Variants in SGCD observed in about 807,000 individuals in gnomAD.
The protein encoded by SGCD is delta-sarcoglycan.
Under a neutral mutation model 36.6 loss-of-function variants are expected in SGCD, and 18 were observed. The ratio of observed to expected loss-of-function variants is 0.49; its 90% CI spans 0.34 to 0.73. The LOEUF (loss-of-function observed/expected upper bound fraction) is 0.73. Ranked by LOEUF, SGCD falls within the 30% of genes least tolerant of loss-of-function variation. SGCD has a pLI of 0.01. For missense variants in SGCD, 387 were observed against 346.7 expected (o/e 1.12, Z -0.92); for synonymous variants, 133 against 130.6 (o/e 1.02, Z -0.12).
intron 3 of SGCD, among the ~76,000 whole-genome samples, chr5:156,292,066 G>T (rs954634399): frequency 2.6e-5 from 4 of 152,006 alleles, no homozygotes; most frequent in Admixed American, 2.0e-4. Context: ...TTTTTTAGAT[G>T]CTGTGTATAA....
intron 3 of SGCD, among the ~76,000 whole-genome samples, chr5:156,205,093 C>T (rs73300687): frequency 0.015 from 2,219 of 152,186 alleles, 59 homozygotes; most frequent in African/African-American, 0.051. Flanking sequence ...AACTGCCCTT[C>T]CTCCATCAGA....
chr5:156,178,846 G>A (rs1763534456), intron 3 of SGCD, among the ~76,000 whole-genome samples: 2 of 152,180 alleles, frequency 1.3e-5, no homozygotes, highest in South Asian at 4.1e-4. Context: ...GATTACAGGT[G>A]TGAGCCACCG....
At chr5:156,347,767 T>C (rs1384841400) in intron 3 of SGCD, among the ~76,000 whole-genome samples, 2 of 152,192 alleles carry the variant, frequency 1.3e-5, no homozygotes, top group Non-Finnish European at 2.9e-5. Flanking sequence ...CCAATACTGC[T>C]TCTAGAGTAT....
At chr5:156,143,687 G>A (rs927544961) in intron 3 of SGCD, among the ~76,000 whole-genome samples, 3 of 152,020 alleles carry the variant, frequency 2.0e-5, no homozygotes, top group African/African-American at 7.2e-5. Flanking sequence ...GCCCTGCTGG[G>A]TTTTGGACTT....
the SGCD span, among the ~76,000 whole-genome samples, chr5:155,846,605 T>A: frequency 5.3e-5 from 8 of 152,180 alleles, no homozygotes; most frequent in Non-Finnish European, 8.8e-5. Context: ...AAGTCATTGG[T>A]TCAACTCACC....
intron 3 of SGCD, among the ~76,000 whole-genome samples, chr5:156,480,891 A>G (rs1279922862): frequency 2.6e-5 from 4 of 152,242 alleles, no homozygotes; most frequent in Non-Finnish European, 4.4e-5. Flanking sequence ...CCACAACTAC[A>G]GAATACTATG....
At chr5:156,493,230 C>T (rs1044111529) in intron 3 of SGCD, among the ~76,000 whole-genome samples, 11 of 152,130 alleles carry the variant, frequency 7.2e-5, no homozygotes, top group Non-Finnish European at 2.9e-5. Context: ...ATATCTATTA[C>T]TTCAGACACT....
chr5:156,093,846 T>C (rs1232640026), intron 1 of SGCD, among the ~76,000 whole-genome samples: 2 of 152,234 alleles, frequency 1.3e-5, no homozygotes, highest in Non-Finnish European at 2.9e-5. Context: ...TGTCATTTTC[T>C]GAGGATCCTC....
intron 3 of SGCD, among the ~76,000 whole-genome samples, chr5:156,390,193 G>T (rs1771490024): frequency 6.9e-6 from 1 of 144,964 alleles, no homozygotes; most frequent in Non-Finnish European, 1.5e-5. Flanking sequence ...TATTATTTTA[G>T]AGTCTATGCC....
intron 3 of SGCD, among the ~76,000 whole-genome samples, chr5:156,500,661 C>A (rs1756405875): frequency 6.6e-6 from 1 of 152,140 alleles, no homozygotes; most frequent in Admixed American, 6.5e-5. Context: ...CACAATAGGT[C>A]TGCAACCTAC....
chr5:156,604,611 T>A (rs1761340676), intron 6 of SGCD, among the ~76,000 whole-genome samples: 1 of 151,578 alleles, frequency 6.6e-6, no homozygotes, highest in African/African-American at 2.4e-5. Context: ...TACTCTAGAC[T>A]TTTTTCCTCC....
At chr5:156,726,426 T>C (rs1755776309) in intron 7 of SGCD, among the ~76,000 whole-genome samples, 1 of 152,226 alleles carries the variant, frequency 6.6e-6, no homozygotes, top group African/African-American at 2.4e-5. Context: ...TTCTAACTTG[T>C]GTACCACACT....
the SGCD span, among the ~76,000 whole-genome samples, chr5:155,753,759 A>ATAGGGTTC: frequency 2.0e-5 from 3 of 152,144 alleles, no homozygotes; most frequent in Non-Finnish European, 4.4e-5. Flanking sequence ...TCGTGTAGGG[A>ATAGGGTTC]TAGGGTTCCC....
At chr5:156,595,517 T>G (rs1760891433) in intron 6 of SGCD, among the ~76,000 whole-genome samples, 1 of 152,216 alleles carries the variant, frequency 6.6e-6, no homozygotes, top group African/African-American at 2.4e-5. Context: ...CTGGATTCTT[T>G]TAAAGCAAGG....
the SGCD span, among the ~76,000 whole-genome samples, chr5:155,768,105 T>C: frequency 6.6e-6 from 1 of 152,100 alleles, no homozygotes; most frequent in Admixed American, 6.6e-5. Flanking sequence ...TTCAGTGAGT[T>C]CCATTTTTAG....
At chr5:155,779,689 G>T in the SGCD span, among the ~76,000 whole-genome samples, 1 of 151,892 alleles carries the variant, frequency 6.6e-6, no homozygotes. Flanking sequence ...TAGCCTCCTG[G>T]GCCATAGCAC....
chr5:156,741,047 A>C (rs1408477190), intron 7 of SGCD, among the ~76,000 whole-genome samples: 1 of 152,208 alleles, frequency 6.6e-6, no homozygotes, highest in Non-Finnish European at 1.5e-5. Context: ...CCTGGGAAAG[A>C]CCAGAGCTAA....
At chr5:156,707,201 T>A (rs1754779616) in intron 7 of SGCD, among the ~76,000 whole-genome samples, 1 of 152,212 alleles carries the variant, frequency 6.6e-6, no homozygotes, top group Non-Finnish European at 1.5e-5. Flanking sequence ...TAATATTTGT[T>A]TTCATTGGCC....
intron 7 of SGCD, among the ~76,000 whole-genome samples, chr5:156,697,601 C>T (rs549291049): frequency 6.6e-6 from 1 of 152,330 alleles, no homozygotes; most frequent in Admixed American, 6.5e-5. Context: ...TGCTCATATA[C>T]TACCTTGGAG....
Sources: gnomAD v4.1 joint callset for allele counts (sites outside exome capture counted in the v4.1 genomes callset) on GRCh38, gnomAD v4.1.1 for gene constraint, MANE v1.5 for transcripts, NCBI Gene and HGNC (gene_info 2026-07-23, HGNC 2026-07-21) for gene names.